Variants in CDKAL1 observed in about 807,000 individuals in gnomAD.
CDKAL1 encodes the protein threonylcarbamoyladenosine tRNA methylthiotransferase.
Under a neutral mutation model 68.2 loss-of-function variants are expected in CDKAL1, and 32 were observed. That is an observed-to-expected ratio of 0.47 (90% CI 0.35 to 0.63). The LOEUF (loss-of-function observed/expected upper bound fraction) is 0.63. Among genes scored for constraint, CDKAL1 ranks in the 30% least tolerant of loss-of-function variants. CDKAL1 has a pLI of 0.00. For missense variants in CDKAL1, 606 were observed against 696.7 expected, an observed-to-expected ratio of 0.87 and a Z score of 1.47; for synonymous variants, 234 against 244.3, an observed-to-expected ratio of 0.96 and a Z score of 0.39.
intron 7 of CDKAL1, among the ~76,000 whole-genome samples, chr6:20,780,786 G>A (rs962426725): frequency 6.0e-5 from 9 of 149,724 alleles, no homozygotes; most frequent in African/African-American, 2.0e-4. Context: ...CTATTCTCCT[G>A]CCTCAGCCTC....
intron 7 of CDKAL1, among the ~76,000 whole-genome samples, chr6:20,760,915 A>G (rs1774432779): frequency 6.6e-6 from 1 of 152,238 alleles, no homozygotes; most frequent in South Asian, 2.1e-4. Flanking sequence ...GTTGGATGTC[A>G]TTAAGTTGAA....
intron 4 of CDKAL1, among the ~76,000 whole-genome samples, chr6:20,603,768 A>ATTTTTTTTTTTTTTTTTTTTTTTTTT (rs745786047): frequency 1.2e-5 from 1 of 85,218 alleles, no homozygotes; most frequent in African/African-American, 4.7e-5. Flanking sequence ...CAGTTGCTAA[A>ATTTTTTTTTTTTTTTTTTTTTTTTTT]TTTTTTTTTT....
At position 21,221,062 on chromosome 6, in the gene CDKAL1, G is replaced by T. The variant is rs368809241; in HGVS notation, c.1549-9786G>T. On this transcript the variant is annotated intron_variant, in intron 15 of 15. Transcript: ENST00000274695. ...CATGCCTGTAATCCCAGCTACTCGGGAGGCTGAAGCAGGAGAGTCACTTGA... is the reference window on the plus strand; with the variant it reads ...CATGCCTGTAATCCCAGCTACTCGGTAGGCTGAAGCAGGAGAGTCACTTGA... 1.5e-4 allele frequency among the ~76,000 whole-genome samples: 23 copies of T among 152,124 alleles called. No individual in the cohort carries two copies. In the East Asian group the frequency reaches 4.5e-3, roughly 30 times the overall value.
At chr6:20,631,923 G>A (rs1417546596) in intron 4 of CDKAL1, among the ~76,000 whole-genome samples, 1 of 152,166 alleles carries the variant, frequency 6.6e-6, no homozygotes, top group African/African-American at 2.4e-5. Context: ...TATAGCAACT[G>A]TAAACATTTT....
At chr6:20,944,468 T>C (rs540926973) in intron 9 of CDKAL1, among the ~76,000 whole-genome samples, 1 of 152,334 alleles carries the variant, frequency 6.6e-6, no homozygotes, top group East Asian at 1.9e-4. Flanking sequence ...TGCCTCAGAC[T>C]CCCAAGTAGC....
chr6:20,754,945 C>T (rs1314288492), intron 6 of CDKAL1, among the ~76,000 whole-genome samples: 2 of 152,166 alleles, frequency 1.3e-5, no homozygotes, highest in Non-Finnish European at 2.9e-5. Flanking sequence ...TTACCCTCAA[C>T]TTTTTAACAG....
At chr6:20,835,481 T>TTTGTCTTGTCTTGTC (rs143490469) in intron 8 of CDKAL1, among the ~76,000 whole-genome samples, 151 of 149,768 alleles carry the variant, frequency 1.0e-3, no homozygotes, top group African/African-American at 3.6e-3. Flanking sequence ...CTTTGCTTTG[T>TTTGTCTTGTCTTGTC]TTGTCTTGTC....
At chr6:20,830,920 AGATTTTTTTTTTTCCAACTTT>A (rs1384534065) in intron 8 of CDKAL1, among the ~76,000 whole-genome samples, 3 of 87,982 alleles carry the variant, frequency 3.4e-5, no homozygotes, top group African/African-American at 1.4e-4. Flanking sequence ...ATATGTTTTT[AGATTTTTTTTTTTCCAACTTT>A]GATTTTTTTT....
chr6:20,662,765 C>T (rs537972429), intron 5 of CDKAL1, among the ~76,000 whole-genome samples: 1 of 152,278 alleles, frequency 6.6e-6, no homozygotes, highest in East Asian at 1.9e-4. Context: ...CTTCCACCTT[C>T]TGTGTCTGTC....
chr6:20,909,879 G>T (rs1023152834), intron 9 of CDKAL1, among the ~76,000 whole-genome samples: 2 of 152,048 alleles, frequency 1.3e-5, no homozygotes, highest in Non-Finnish European at 2.9e-5. Context: ...GAGTTTAGCG[G>T]GTTTGCACCT....
chr6:20,548,490 A>G (rs532590006), intron 3 of CDKAL1, 103 bp from the exon 4 acceptor site: 14 of 675,174 alleles, frequency 2.1e-5, no homozygotes, highest in Non-Finnish European at 3.5e-5. Context: ...CTGTGGTCAC[A>G]CAGCTGCACT....
At chr6:20,745,304 G>A (rs73732759) in intron 6 of CDKAL1, among the ~76,000 whole-genome samples, 156 of 152,256 alleles carry the variant, frequency 1.0e-3, no homozygotes, top group African/African-American at 3.6e-3. Context: ...TATTTCTATC[G>A]TACACCATGT....
At chr6:20,965,035 G>C (rs1276988662) in intron 10 of CDKAL1, among the ~76,000 whole-genome samples, 1 of 152,136 alleles carries the variant, frequency 6.6e-6, no homozygotes, top group Non-Finnish European at 1.5e-5. Flanking sequence ...GTTTGGCCAG[G>C]TGCAGTGCCT....
At chr6:20,642,852 G>A (rs1263037782) in intron 4 of CDKAL1, among the ~76,000 whole-genome samples, 1 of 151,994 alleles carries the variant, frequency 6.6e-6, no homozygotes, top group African/African-American at 2.4e-5. Context: ...AAGAAAGACT[G>A]TATGCCACTG....
At chr6:20,582,043 G>C (rs985148211) in intron 4 of CDKAL1, among the ~76,000 whole-genome samples, 1 of 152,142 alleles carries the variant, frequency 6.6e-6, no homozygotes, top group Non-Finnish European at 1.5e-5. Context: ...ATTGATATTT[G>C]AGGATCAAAT....
At chr6:20,644,142 T>A (rs1258316833) in intron 4 of CDKAL1, among the ~76,000 whole-genome samples, 1 of 151,936 alleles carries the variant, frequency 6.6e-6, no homozygotes, top group Non-Finnish European at 1.5e-5. Context: ...CTGCTTTTTT[T>A]TTTTTTTTAA....
intron 5 of CDKAL1, among the ~76,000 whole-genome samples, chr6:20,715,918 G>T (rs1180653067): frequency 6.6e-6 from 1 of 152,120 alleles, no homozygotes; most frequent in African/African-American, 2.4e-5. Flanking sequence ...TTTGTTGTGG[G>T]TTTATTTTCT....
chr6:21,063,456 A>G (rs1480167389), intron 11 of CDKAL1, among the ~76,000 whole-genome samples: 1 of 152,244 alleles, frequency 6.6e-6, no homozygotes, highest in East Asian at 1.9e-4. Flanking sequence ...GCAGCTTGCT[A>G]CCTTATCGCT....
intron 8 of CDKAL1, among the ~76,000 whole-genome samples, chr6:20,786,116 T>C (rs1270494493): frequency 6.6e-6 from 1 of 152,034 alleles, no homozygotes; most frequent in Non-Finnish European, 1.5e-5. Flanking sequence ...TCCCAGCTAC[T>C]CGGGAGGCTG....
Sources: gnomAD v4.1 joint callset for allele counts (sites outside exome capture counted in the v4.1 genomes callset) on GRCh38, gnomAD v4.1.1 for gene constraint, MANE v1.5 for transcripts, NCBI Gene and HGNC (gene_info 2026-07-23, HGNC 2026-07-21) for gene names.